Variants in C12orf42 observed in about 807,000 individuals in gnomAD.
C12orf42 encodes uncharacterized protein C12orf42.
In C12orf42, 25 loss-of-function variants were observed where a neutral mutation model predicts 21.6. The observed-to-expected ratio is 1.16, with a 90% CI of 0.84 to 1.62. C12orf42 has a LOEUF of 1.62. C12orf42 is among the 40% of genes most tolerant of loss of function. The probability of loss-of-function intolerance (pLI) is 0.00; values close to 1 mark genes in which losing one functional copy is unlikely to be tolerated. For missense variants in C12orf42, 483 were observed against 459.3 expected, an observed-to-expected ratio of 1.05 and a Z score of -0.47; for synonymous variants, 174 against 175.0, an observed-to-expected ratio of 0.99 and a Z score of 0.05.
intron 4 of C12orf42, among the ~76,000 whole-genome samples, chr12:103,315,428 A>G (rs1181398414): frequency 6.6e-6 from 1 of 152,238 alleles, no homozygotes; most frequent in Non-Finnish European, 1.5e-5. Flanking sequence ...TAACAGAATT[A>G]ACAAATGCCT....
chr12:103,135,427 A>T, the C12orf42 span, among the ~76,000 whole-genome samples: 138 of 152,016 alleles, frequency 9.1e-4, no homozygotes, highest in African/African-American at 3.1e-3. Context: ...ACTCCACTCC[A>T]ATGTAGGCAA....
At chr12:103,483,210 T>C (rs1292846452) in intron 1 of C12orf42, among the ~76,000 whole-genome samples, 2 of 152,100 alleles carry the variant, frequency 1.3e-5, no homozygotes, top group African/African-American at 4.8e-5. Context: ...ATGTGAACTA[T>C]GGATTTTGGG....
downstream of C12orf42, chr12:103,301,920 G>C (rs2037675946): frequency 2.4e-5 from 16 of 655,394 alleles, no homozygotes; most frequent in South Asian, 3.0e-4. Flanking sequence ...TACTATTAGA[G>C]ATGCTTCAAA....
At chr12:103,470,649 G>T (rs186192790) in intron 2 of C12orf42, among the ~76,000 whole-genome samples, 1 of 152,154 alleles carries the variant, frequency 6.6e-6, no homozygotes, top group African/African-American at 2.4e-5. Flanking sequence ...TGTGATTTCC[G>T]AGTCTAGGTG....
At chr12:103,500,888 GA>G (rs1478005267), upstream of C12orf42, among the ~76,000 whole-genome samples, 2 of 152,216 alleles carry the variant, frequency 1.3e-5, no homozygotes, top group African/African-American at 4.8e-5. Context: ...TAAAAGACAA[GA>G]AAAGAAACCT....
the C12orf42 span, among the ~76,000 whole-genome samples, chr12:103,525,919 T>C: frequency 2.0e-5 from 3 of 152,236 alleles, no homozygotes; most frequent in South Asian, 6.2e-4. Context: ...TCCCAGCTAC[T>C]TGGAGGCTGA....
the C12orf42 span, among the ~76,000 whole-genome samples, chr12:103,212,425 TAG>T: frequency 2.0e-5 from 3 of 152,338 alleles, no homozygotes; most frequent in African/African-American, 7.2e-5. Flanking sequence ...ATTTGTTCTT[TAG>T]TGTCTCAAAT....
At chr12:103,466,654 C>T (rs1253343956) in intron 2 of C12orf42, among the ~76,000 whole-genome samples, 2 of 152,114 alleles carry the variant, frequency 1.3e-5, no homozygotes, top group African/African-American at 4.8e-5. Flanking sequence ...AACATTACCC[C>T]ATGTGGTACA....
rs148530256 is a variant in C12orf42, at chr12:103,278,754, G to A, written n.338-1544C>T. Reference sequence around the variant, plus strand: ...GTGGGGAAACTCACTCAGTATTTTTGGCCTGTTCCTTCCAAAGAATCTAAT... The same window carrying A: ...GTGGGGAAACTCACTCAGTATTTTTAGCCTGTTCCTTCCAAAGAATCTAAT... On this transcript the variant is annotated intron_variant and non_coding_transcript_variant, in intron 4 of 6. Coordinates refer to the C12orf42 transcript ENST00000546526. Among the ~76,000 whole-genome samples the A allele has an allele frequency of 2.4e-4, 36 of 152,282 alleles. No homozygotes were observed. The East Asian group carries it at 6.4e-3, about 27-fold the overall frequency.
the C12orf42 span, among the ~76,000 whole-genome samples, chr12:103,139,412 T>C: frequency 1.3e-5 from 2 of 152,316 alleles, no homozygotes; most frequent in East Asian, 3.9e-4. Context: ...GTTCTGGATG[T>C]TCCAGATGGA....
intron 2 of C12orf42, among the ~76,000 whole-genome samples, chr12:103,435,621 C>T (rs948999309): frequency 7.9e-5 from 12 of 151,734 alleles, no homozygotes; most frequent in Admixed American, 1.3e-4. Flanking sequence ...CCTCAGGAGC[C>T]GATGCGATCA....
At chr12:103,318,030 G>A (rs370371740) in intron 4 of C12orf42, among the ~76,000 whole-genome samples, 45 of 152,226 alleles carry the variant, frequency 3.0e-4, no homozygotes, top group African/African-American at 9.4e-4. Context: ...TGCTGGGCAC[G>A]GTGGCTCACG....
At chr12:103,496,230 C>T (rs1398006877), upstream of C12orf42, among the ~76,000 whole-genome samples, 1 of 152,162 alleles carries the variant, frequency 6.6e-6, no homozygotes, top group African/African-American at 2.4e-5. Flanking sequence ...GGTTGATTTT[C>T]CACGGAGGGG....
At chr12:103,282,967 CT>C (rs1207656594) in intron 4 of C12orf42, among the ~76,000 whole-genome samples, 1 of 152,188 alleles carries the variant, frequency 6.6e-6, no homozygotes, top group East Asian at 1.9e-4. Context: ...ATAGAAACTA[CT>C]GTCAGAGGCA....
At chr12:103,119,906 T>C in the C12orf42 span, among the ~76,000 whole-genome samples, 1 of 152,228 alleles carries the variant, frequency 6.6e-6, no homozygotes, top group East Asian at 1.9e-4. Context: ...CTGCTGTTGG[T>C]TGAAGATCTT....
At chr12:103,446,909 T>C (rs967582151) in intron 2 of C12orf42, among the ~76,000 whole-genome samples, 3 of 151,864 alleles carry the variant, frequency 2.0e-5, no homozygotes, top group African/African-American at 4.8e-5. Context: ...AACACAACAA[T>C]AGTGGGAGAC....
At chr12:103,305,764 A>G (rs537991499) in intron 5 of C12orf42, among the ~76,000 whole-genome samples, 15 of 152,216 alleles carry the variant, frequency 9.9e-5, no homozygotes, top group Non-Finnish European at 1.3e-4. Context: ...TCATCAAATT[A>G]CCTGTCATCA....
the C12orf42 span, among the ~76,000 whole-genome samples, chr12:103,114,480 G>A: frequency 3.3e-5 from 5 of 152,182 alleles, no homozygotes; most frequent in Non-Finnish European, 5.9e-5. Flanking sequence ...CAGACCTGCA[G>A]ACTCACACAC....
chr12:103,211,765 A>G, the C12orf42 span, among the ~76,000 whole-genome samples: 1 of 152,208 alleles, frequency 6.6e-6, no homozygotes, highest in Non-Finnish European at 1.5e-5. Context: ...GGAAACAGTA[A>G]ATGCTTATTT....
Sources: allele counts gnomAD v4.1 joint callset (sites outside exome capture counted in the v4.1 genomes callset), GRCh38; gene constraint gnomAD v4.1.1; transcripts MANE v1.5; gene names NCBI Gene and HGNC (gene_info 2026-07-23, HGNC 2026-07-21).